Variants in TASP1 observed in about 807,000 individuals in gnomAD.
TASP1 encodes the protein taspase 1, also known as threonine aspartase 1.
A neutral mutation model predicts 56.6 loss-of-function variants in TASP1; 16 were observed. The ratio of observed to expected loss-of-function variants is 0.28; its 90% CI spans 0.19 to 0.43. TASP1 has a LOEUF of 0.43. TASP1 is among the 20% of genes least tolerant of loss of function. The pLI, the probability that TASP1 is intolerant of heterozygous loss-of-function variation, is 1.00. For synonymous variants in TASP1, 179 were observed against 184.2 expected (o/e 0.97, Z 0.23); for missense variants, 393 against 511.6 (o/e 0.77, Z 2.24).
the TASP1 span, among the ~76,000 whole-genome samples, chr20:13,175,908 T>C: frequency 1.4e-4 from 22 of 152,158 alleles, no homozygotes; most frequent in African/African-American, 3.9e-4. Flanking sequence ...TATCCTCTGA[T>C]AGACATGAGA....
At chr20:13,592,556 T>A (rs921789609) in intron 4 of TASP1, among the ~76,000 whole-genome samples, 2 of 152,134 alleles carry the variant, frequency 1.3e-5, no homozygotes, top group African/African-American at 2.4e-5. Context: ...TATCAAAACA[T>A]CCCTTCTCTC....
chr20:13,236,915 G>T, the TASP1 span, among the ~76,000 whole-genome samples: 1 of 152,194 alleles, frequency 6.6e-6, no homozygotes, highest in Non-Finnish European at 1.5e-5. Context: ...GCTTTCAGGG[G>T]CTGGCATTGA....
chr20:13,397,459 T>A (rs941621688), intron 13 of TASP1, among the ~76,000 whole-genome samples: 1 of 152,114 alleles, frequency 6.6e-6, no homozygotes, highest in Admixed American at 6.5e-5. Flanking sequence ...TGTGGTTTGC[T>A]TATGGTCAGA....
the TASP1 span, among the ~76,000 whole-genome samples, chr20:13,123,329 T>TAA: frequency 0.14 from 20,074 of 143,618 alleles, 2,162 homozygotes; most frequent in African/African-American, 0.31. Flanking sequence ...AGACTCTGTC[T>TAA]AAAAAAAAAA....
the TASP1 span, among the ~76,000 whole-genome samples, chr20:13,196,337 A>G: frequency 6.6e-6 from 1 of 152,226 alleles, no homozygotes; most frequent in African/African-American, 2.4e-5. Flanking sequence ...GTAGTGTTGC[A>G]TACAAATATT....
At chr20:13,160,518 C>T in the TASP1 span, among the ~76,000 whole-genome samples, 1 of 152,182 alleles carries the variant, frequency 6.6e-6, no homozygotes, top group Non-Finnish European at 1.5e-5. Context: ...TATGACCCAA[C>T]TAAGCAACAT....
At chr20:13,476,871 T>C (rs73899326) in intron 11 of TASP1, among the ~76,000 whole-genome samples, 2,330 of 152,118 alleles carry the variant, frequency 0.015, 65 homozygotes, top group African/African-American at 0.05. Flanking sequence ...ATTTTTCTAA[T>C]AGACAAAAAA....
At chr20:13,400,205 T>C (rs1191132895) in intron 13 of TASP1, among the ~76,000 whole-genome samples, 2 of 152,200 alleles carry the variant, frequency 1.3e-5, no homozygotes, top group Non-Finnish European at 2.9e-5. Flanking sequence ...GAAAAGTACC[T>C]CAATATAGAA....
chr20:13,560,946 C>CA (rs772739637), intron 7 of TASP1, among the ~76,000 whole-genome samples: 1 of 152,108 alleles, frequency 6.6e-6, no homozygotes, highest in Non-Finnish European at 1.5e-5. Flanking sequence ...AGGCCAAAGA[C>CA]AAAGAGAGAA....
the TASP1 span, among the ~76,000 whole-genome samples, chr20:13,136,711 A>G: frequency 6.8e-6 from 1 of 147,518 alleles, no homozygotes; most frequent in East Asian, 2.0e-4. Context: ...ATATATATTT[A>G]TATATAATAT....
chr20:13,208,010 C>T, the TASP1 span, among the ~76,000 whole-genome samples: 1 of 152,040 alleles, frequency 6.6e-6, no homozygotes, highest in Non-Finnish European at 1.5e-5. Context: ...GAGAATAAAA[C>T]TTATACCCTA....
the TASP1 span, among the ~76,000 whole-genome samples, chr20:13,129,203 C>T: frequency 6.6e-6 from 1 of 152,094 alleles, no homozygotes; most frequent in Admixed American, 6.5e-5. Flanking sequence ...GGTTTCACCA[C>T]GTTGGCCATG....
chr20:13,119,855 C>T, the TASP1 span, among the ~76,000 whole-genome samples: 1 of 152,152 alleles, frequency 6.6e-6, no homozygotes, highest in Non-Finnish European at 1.5e-5. Flanking sequence ...TGCCTGTATC[C>T]CTGATGACTT....
the TASP1 span, among the ~76,000 whole-genome samples, chr20:13,128,910 C>T: frequency 7.2e-6 from 1 of 138,582 alleles, no homozygotes; most frequent in Non-Finnish European, 1.5e-5. Context: ...GAGTTTCGCT[C>T]TTGTCACCCA....
chr20:13,221,388 C>A, the TASP1 span, among the ~76,000 whole-genome samples: 14 of 147,740 alleles, frequency 9.5e-5, no homozygotes, highest in Admixed American at 4.0e-4. Context: ...GCCCCGCCGC[C>A]GACCCCGCAG....
chr20:13,549,265 TC>T (rs1843636271), intron 8 of TASP1, among the ~76,000 whole-genome samples: 1 of 152,092 alleles, frequency 6.6e-6, no homozygotes, highest in African/African-American at 2.4e-5. Flanking sequence ...TTCAAATAGT[TC>T]CTGGGACCCG....
intron 11 of TASP1, among the ~76,000 whole-genome samples, chr20:13,437,006 A>C (rs2043028298): frequency 6.6e-6 from 1 of 152,118 alleles, no homozygotes. Context: ...AAAAGAAATA[A>C]AATAGTACAG....
the TASP1 span, among the ~76,000 whole-genome samples, chr20:13,312,979 G>A: frequency 6.6e-6 from 1 of 152,170 alleles, no homozygotes; most frequent in Non-Finnish European, 1.5e-5. Flanking sequence ...GGTGGGGTGT[G>A]GAGGAAGTAA....
the TASP1 span, among the ~76,000 whole-genome samples, chr20:13,278,489 G>C: frequency 2.0e-5 from 3 of 152,174 alleles, no homozygotes; most frequent in Non-Finnish European, 4.4e-5. Flanking sequence ...TTGGTCTCAT[G>C]AGGAGACAGT....
Sources: gnomAD v4.1 joint callset for allele counts (sites outside exome capture counted in the v4.1 genomes callset) on GRCh38, gnomAD v4.1.1 for gene constraint, MANE v1.5 for transcripts, NCBI Gene and HGNC (gene_info 2026-07-23, HGNC 2026-07-21) for gene names.